Variants in NPAS2 observed in about 807,000 individuals in gnomAD.
NPAS2 encodes neuronal PAS domain-containing protein 2.
NPAS2 carries 23 observed loss-of-function variants against 107.5 expected under a neutral mutation model. That is an observed-to-expected ratio of 0.21 (90% CI 0.15 to 0.30). The LOEUF (loss-of-function observed/expected upper bound fraction) is 0.30, where lower values mean the gene tolerates loss of function less well. NPAS2 is among the 10% of genes least tolerant of loss of function. The probability of loss-of-function intolerance (pLI) is 1.00; values close to 1 mark genes in which losing one functional copy is unlikely to be tolerated. For synonymous variants in NPAS2, 403 were observed against 417.5 expected (o/e 0.97, Z 0.42); for missense variants, 756 against 1,043.3 (o/e 0.72, Z 3.79).
At position 100,925,219 on chromosome 2, in the gene NPAS2, C is replaced by G. The variant is rs746714721; in HGVS notation, c.106C>G (p.Leu36Val). 1 of 1,614,128 alleles carries G rather than the reference C, an allele frequency of 6.2e-7. No individual in the cohort carries two copies. Among genetic ancestry groups the G allele is most frequent in the Non-Finnish European group, 8.5e-7 (1 of 1,180,010 alleles). ...TCTCATCAAAGAGCTCAGTTCCATGCTCCCTGGCAACACGCGGAAAATGGA... is the reference window on the plus strand; with the variant it reads ...TCTCATCAAAGAGCTCAGTTCCATGGTCCCTGGCAACACGCGGAAAATGGA... ...NVLIKELSSMLPGNTRKMDKT... is the reference protein window; with the variant it reads ...NVLIKELSSMVPGNTRKMDKT... The change falls in exon 3 of 21, where the codon CTC becomes GTC. Residue 36 changes from leucine to valine, a missense_variant. By Grantham distance (32) the Leu-to-Val change is conservative (BLOSUM62 1). Coordinates refer to ENST00000335681, the MANE Select transcript of NPAS2 (RefSeq NM_002518.4).
chr2:100,841,730 C>T (rs750043757), intron 1 of NPAS2, among the ~76,000 whole-genome samples: 14 of 152,122 alleles, frequency 9.2e-5, no homozygotes, highest in Non-Finnish European at 1.3e-4. Context: ...TGCATATACA[C>T]GTACCACATG....
At chr2:100,904,702 T>G in intron 1 of NPAS2, 31 bp from the exon 2 acceptor site, 1 of 1,401,404 alleles carries the variant, frequency 7.1e-7, no homozygotes, top group Non-Finnish European at 9.9e-7. Context: ...TAATTATCCA[T>G]TCTTTTTAAT....
Position 100,990,291 on chromosome 2 carries a change from G to C in NPAS2, c.1863G>C (p.Gln621His). 3 of 1,614,170 alleles carry C rather than the reference G, an allele frequency of 1.9e-6. No individual in the cohort carries two copies. The highest frequency in any genetic ancestry group is 2.5e-6 in the Non-Finnish European group (3 of 1,180,044). ...CAATGAGAAGCTCACAGCTAATGCA[G>C]AGCAGCGGCCGCTCTGGAAGCAGCC... ...PKPMRSSQLMQSSGRSGSSLV... is the reference protein window; with the variant it reads ...PKPMRSSQLMHSSGRSGSSLV... Residue 621 changes from glutamine to histidine, a missense_variant, in exon 18 of 21, where the codon CAG becomes CAC. Gln to His is a conservative substitution (Grantham distance 24, BLOSUM62 0). Around this residue, in one of 4 missense-constraint regions of NPAS2, gnomAD observed 496 missense variants for 594.4 expected, o/e 0.83. Coordinates refer to ENST00000335681, the MANE Select transcript of NPAS2 (RefSeq NM_002518.4).
intron 5 of NPAS2, among the ~76,000 whole-genome samples, chr2:100,943,183 C>T (rs1016077765): frequency 1.3e-5 from 2 of 152,216 alleles, no homozygotes; most frequent in Non-Finnish European, 2.9e-5. Flanking sequence ...GTGGAGACGT[C>T]GCAGTGCTGT....
rs1224547540 is a variant in NPAS2, at chr2:100,964,938, T to C, written c.795T>C (p.Asp265=). ...HSLEWKFLFL[D]HRAPPIIGYL... ...TGGAATGGAAATTTTTATTTCTGGA[T>C]CACAGGTTTGAGAAAAGAAAAACAT... Residue 265 remains aspartate (D), a synonymous_variant, in exon 9 of 21, where the codon GAT becomes GAC. Coordinates refer to ENST00000335681, the MANE Select transcript of NPAS2 (RefSeq NM_002518.4). The C allele has an allele frequency of 1.9e-6, 3 of 1,569,052 alleles. No homozygotes were observed. The highest frequency in any genetic ancestry group is 2.6e-6 in the Non-Finnish European group (3 of 1,166,628).
chr2:100,938,166 A>G (rs944041625), intron 5 of NPAS2, among the ~76,000 whole-genome samples: 3 of 152,222 alleles, frequency 2.0e-5, no homozygotes, highest in Non-Finnish European at 4.4e-5. Flanking sequence ...GCTCAGAGCC[A>G]TCATGGAGGC....
rs1677036629 is a variant in NPAS2 at position 100,976,734 on chromosome 2, C to T, written c.1393-976C>T. 1 of 152,260 alleles carries T rather than the reference C, an allele frequency of 6.6e-6. No homozygotes were observed. Among genetic ancestry groups the T allele is most frequent in the Non-Finnish European group, 1.5e-5 (1 of 68,108 alleles). 9.4% of individuals were successfully genotyped at this position (152,260 alleles called of 1,614,324 possible). A position where few individuals can be genotyped will look rare whatever the true frequency, so the allele number is the denominator to read the frequency against. ...CACTTACTTTCTCTCCAGCCACCTC[C>T]AGATGCGCTTGCAAGCTGTGCCTGC... is the stretch of plus-strand genomic sequence containing the variant. On this transcript the variant is annotated intron_variant, in intron 14 of 20. Transcript: ENST00000335681. This position sits in a 1 kb window ranked among gnomAD's most constrained non-coding sequence, Gnocchi z 4.1.
intron 1 of NPAS2, among the ~76,000 whole-genome samples, chr2:100,852,090 T>G (rs996468304): frequency 1.3e-5 from 2 of 152,142 alleles, no homozygotes; most frequent in Non-Finnish European, 2.9e-5. Context: ...ATAACTTGCC[T>G]TGGGTTTAGC....
At chr2:100,907,021 G>A (rs934638270) in intron 2 of NPAS2, among the ~76,000 whole-genome samples, 13 of 152,210 alleles carry the variant, frequency 8.5e-5, no homozygotes, top group African/African-American at 2.2e-4. Flanking sequence ...CTACCTGGCC[G>A]ACTAGACAAA....
intron 15 of NPAS2, among the ~76,000 whole-genome samples, chr2:100,978,471 G>A (rs1288881007): frequency 6.6e-6 from 1 of 151,894 alleles, no homozygotes; most frequent in East Asian, 1.9e-4. Flanking sequence ...TAGAAAGACT[G>A]AAAGGATCTA....
intron 7 of NPAS2, among the ~76,000 whole-genome samples, chr2:100,956,336 CCCT>C (rs1425769832): frequency 6.6e-6 from 1 of 152,122 alleles, no homozygotes; most frequent in Non-Finnish European, 1.5e-5. Flanking sequence ...GGCAGCCAGC[CCCT>C]CAGCCTTCAC....
intron 1 of NPAS2, among the ~76,000 whole-genome samples, chr2:100,876,704 C>T (rs915392658): frequency 6.6e-6 from 1 of 152,094 alleles, no homozygotes; most frequent in Non-Finnish European, 1.5e-5. Context: ...CAGGAGCGTG[C>T]ATGTTATGGT....
Position 100,993,448 on chromosome 2 carries a change from A to ACCCCAGCTTCCCTGCCT in NPAS2, c.2217_2233dup (p.Gln745ProfsTer99). 1 of 1,612,278 alleles carries ACCCCAGCTTCCCTGCCT rather than the reference A, an allele frequency of 6.2e-7. No individual in the cohort carries two copies. Among genetic ancestry groups the ACCCCAGCTTCCCTGCCT allele is most frequent in the South Asian group, 1.1e-5 (1 of 90,938 alleles). On this transcript the variant is annotated frameshift_variant, in exon 20 of 21. Coordinates refer to ENST00000335681, the MANE Select transcript of NPAS2 (RefSeq NM_002518.4). LOFTEE classifies it high-confidence loss of function. ...CTGCTGATGGGGCAGGCGGTGCTCC[A>ACCCCAGCTTCCCTGCCT]CCCCAGCTTCCCTGCCTCCCAACCA...
chr2:100,988,187 G>C lies in NPAS2; in HGVS notation c.1738G>C (p.Gly580Arg), dbSNP rs368846782. 1.1e-5 allele frequency: 17 copies of C among 1,614,082 alleles called. No homozygotes were observed. In the African/African-American group the frequency reaches 1.7e-4, roughly 16 times the overall value. ...AGCTGCAGTGACTCAGCCCCAGCTC[G>C]GGGCGGGCCCCCAACTTCCAGGGCA... Reference protein sequence around the residue: ...RSAAVTQPQLGAGPQLPGQIS... With the variant: ...RSAAVTQPQLRAGPQLPGQIS... Residue 580 changes from glycine (G) to arginine (R), a missense_variant, in exon 17 of 21, where the codon GGG becomes CGG. By Grantham distance (125) the Gly-to-Arg change is moderately radical. Around this residue, in one of 4 missense-constraint regions of NPAS2, gnomAD observed 496 missense variants for 594.4 expected, o/e 0.83. Transcript: ENST00000335681.
At chr2:100,897,073 T>G (rs1247594793) in intron 1 of NPAS2, among the ~76,000 whole-genome samples, 1 of 152,118 alleles carries the variant, frequency 6.6e-6, no homozygotes, top group African/African-American at 2.4e-5. Flanking sequence ...GAAGGAGAAT[T>G]GCTGAGCAAA....
chr2:100,911,555 T>C (rs1682549725), intron 2 of NPAS2, among the ~76,000 whole-genome samples: 1 of 152,006 alleles, frequency 6.6e-6, no homozygotes, highest in Admixed American at 6.6e-5. Flanking sequence ...ACAAAGATCA[T>C]TTAGAATCAT....
intron 3 of NPAS2, among the ~76,000 whole-genome samples, chr2:100,930,149 A>G (rs1393731249): frequency 6.6e-6 from 1 of 152,230 alleles, no homozygotes; most frequent in Non-Finnish European, 1.5e-5. Flanking sequence ...AGGCTGGCCT[A>G]CACATTATCC....
intron 20 of NPAS2, chr2:100,994,325 G>A (rs72821036): frequency 0.1 from 15,907 of 152,332 alleles, 961 homozygotes; most frequent in Non-Finnish European, 0.14. Flanking sequence ...GTTCTAGAAC[G>A]TAATTTAATT....
chr2:100,881,017 C>T (rs551661445), intron 1 of NPAS2, among the ~76,000 whole-genome samples: 116 of 152,272 alleles, frequency 7.6e-4, no homozygotes, highest in African/African-American at 2.6e-3. Context: ...GTTCTCACCC[C>T]GAGGACACGT....
Sources: allele counts gnomAD v4.1 joint callset (sites outside exome capture counted in the v4.1 genomes callset), GRCh38; gene constraint gnomAD v4.1.1; regional missense constraint gnomAD v4.1.1; non-coding constraint Gnocchi (gnomAD v3.1); transcripts MANE v1.5; gene names NCBI Gene and HGNC (gene_info 2026-07-23, HGNC 2026-07-21).